The following ALK variants were observed in gnomAD, a reference collection of about 807,000 sequenced individuals.
ALK encodes ALK receptor tyrosine kinase.
A neutral mutation model predicts 163.1 loss-of-function variants in ALK; 74 were observed. The ratio of observed to expected loss-of-function variants is 0.45; its 90% confidence interval spans 0.38 to 0.55. The LOEUF (loss-of-function observed/expected upper bound fraction) is 0.55, where lower values mean the gene tolerates loss of function less well. ALK is among the 20% of genes least tolerant of loss of function. The pLI, the probability that ALK is intolerant of heterozygous loss-of-function variation, is 0.00. For missense variants in ALK, 2,063 were observed against 2,105.3 expected (o/e 0.98, Z 0.39); for synonymous variants, 960 against 843.2 (o/e 1.14, Z -2.40).
intron 1 of ALK, among the ~76,000 whole-genome samples, chr2:29,880,340 G>A (rs1316058603): frequency 6.6e-6 from 1 of 152,186 alleles, no homozygotes; most frequent in Admixed American, 6.5e-5. Context: ...GGCAGGAATG[G>A]GGTGATGGTC....
At chr2:29,882,651 G>A (rs369794986) in intron 1 of ALK, among the ~76,000 whole-genome samples, 15 of 152,244 alleles carry the variant, frequency 9.9e-5, no homozygotes, top group Non-Finnish European at 1.5e-4. Context: ...CCGAGATTGC[G>A]CCACTGCACT....
chr2:29,467,589 G>A (rs1671243624), intron 4 of ALK, among the ~76,000 whole-genome samples: 1 of 152,198 alleles, frequency 6.6e-6, no homozygotes, highest in Non-Finnish European at 1.5e-5. Context: ...CTTGGAATCT[G>A]CTCATTCTTT....
chr2:29,415,883 G>A (rs1489233096), intron 4 of ALK, among the ~76,000 whole-genome samples: 1 of 152,252 alleles, frequency 6.6e-6, no homozygotes, highest in African/African-American at 2.4e-5. Context: ...AGAGCTTTTG[G>A]TTTTCAGGCC....
At chr2:29,305,780 G>A (rs776062915) in intron 8 of ALK, among the ~76,000 whole-genome samples, 3 of 152,092 alleles carry the variant, frequency 2.0e-5, no homozygotes, top group Admixed American at 6.5e-5. Flanking sequence ...AGGGGCTGGG[G>A]GTTGGGGGGT....
chr2:29,712,689 G>T (rs929687036), intron 2 of ALK, among the ~76,000 whole-genome samples: 1 of 152,038 alleles, frequency 6.6e-6, no homozygotes, highest in African/African-American at 2.4e-5. Flanking sequence ...ACATTAACAG[G>T]ATGGGTGGTG....
In ALK at chr2:29,246,794, T is replaced by C. The variant is rs1389209065; in HGVS notation, c.2204+4311A>G. On this transcript the variant is annotated intron_variant, in intron 12 of 28. Coordinates refer to ENST00000389048, the MANE Select transcript of ALK (RefSeq NM_004304.5). This position sits in a 1 kb window ranked among gnomAD's most constrained non-coding sequence, Gnocchi z 4.3. The stretch of plus-strand genomic sequence containing the variant: ...TGGCTCAGTCCTTTTGACCATGGCC[T>C]GAGTGACAGTGACTCCCTTCCAACT... Among the ~76,000 whole-genome samples the C allele has an allele frequency of 1.3e-5, 2 of 152,188 alleles. No homozygotes were observed. The highest frequency in any genetic ancestry group is 4.8e-5 in the African/African-American group (2 of 41,460).
At chr2:29,452,332 G>GTTTTTTTTTTTT (rs66533654) in intron 4 of ALK, among the ~76,000 whole-genome samples, 3 of 146,104 alleles carry the variant, frequency 2.1e-5, no homozygotes, top group African/African-American at 5.0e-5. Context: ...AGTTTTTTTT[G>GTTTTTTTTTTTT]TTTTTTTTTT....
intron 1 of ALK, among the ~76,000 whole-genome samples, chr2:29,747,534 C>T (rs1680236985): frequency 6.6e-6 from 1 of 152,284 alleles, no homozygotes; most frequent in South Asian, 2.1e-4. Flanking sequence ...TCTCTGTCTC[C>T]CTTCCCACCC....
intron 1 of ALK, among the ~76,000 whole-genome samples, chr2:29,840,348 T>C (rs2148394163): frequency 6.6e-6 from 1 of 152,348 alleles, no homozygotes. Context: ...TGCAAGACTC[T>C]AGTTCTTTCC....
chr2:29,694,800 C>T, intron 3 of ALK, 50 bp downstream of exon 3: 2 of 1,609,318 alleles, frequency 1.2e-6, no homozygotes, highest in Non-Finnish European at 1.7e-6. Context: ...AATAGGTATT[C>T]CAGCCTGGCC....
At chr2:29,621,263 A>G (rs1283857520) in intron 3 of ALK, among the ~76,000 whole-genome samples, 3 of 152,220 alleles carry the variant, frequency 2.0e-5, no homozygotes, top group African/African-American at 7.2e-5. Flanking sequence ...ACACTGTCTT[A>G]GATGAATTGT....
At position 29,824,568 on chromosome 2, in the gene ALK, C is replaced by T. The variant is rs549968245; in HGVS notation, c.667+95425G>A. Among the ~76,000 whole-genome samples the T allele has an allele frequency of 6.7e-4, 102 of 152,338 alleles. 1 individual carries two copies. The highest frequency in any genetic ancestry group is 2.2e-3 in the African/African-American group (92 of 41,578). ...GCAGGTGTGACCTGGATGTGAGACA[C>T]GGAGTCAAGGGAGATCATTTTGGAG... On this transcript the variant is annotated intron_variant, in intron 1 of 28. Coordinates refer to ENST00000389048, the MANE Select transcript of ALK (RefSeq NM_004304.5).
chr2:29,832,183 A>G (rs1187966016), intron 1 of ALK, among the ~76,000 whole-genome samples: 1 of 152,234 alleles, frequency 6.6e-6, no homozygotes, highest in Non-Finnish European at 1.5e-5. Context: ...CAGGATGTCC[A>G]GACACCAATT....
intron 5 of ALK, among the ~76,000 whole-genome samples, 163 bp downstream of exon 5, chr2:29,383,569 G>A (rs534471744): frequency 7.2e-5 from 11 of 152,184 alleles, no homozygotes; most frequent in African/African-American, 1.7e-4. Flanking sequence ...CACCCGTCTC[G>A]GCCTCCCAAA....
Position 29,920,708 on chromosome 2 carries a change from TTCGCTC to T in ALK, c.-55_-50del, listed in dbSNP as rs774581162. 12 of 1,478,078 alleles carry T rather than the reference TTCGCTC, an allele frequency of 8.1e-6. No individual in the cohort carries two copies. In the African/African-American group the frequency reaches 1.7e-4, roughly 21 times the overall value. 91.6% of individuals were successfully genotyped at this position (1,478,078 alleles called of 1,614,324 possible). On this transcript the variant is annotated 5_prime_UTR_variant, in exon 1 of 29. Transcript: ENST00000389048. ...CTGCTCTCCGGGCCCAGCCTCACCC[TTCGCTC>T]TCCCCGAGATGGGAAGAGGCTCTGA...
intron 9 of ALK, among the ~76,000 whole-genome samples, chr2:29,292,241 CA>C (rs1267066318): frequency 6.6e-6 from 1 of 152,184 alleles, no homozygotes; most frequent in Admixed American, 6.5e-5. Flanking sequence ...TGTACAATTG[CA>C]GTGATTTGTG....
chr2:29,331,521 C>T (rs965862375), intron 5 of ALK, among the ~76,000 whole-genome samples: 5 of 152,170 alleles, frequency 3.3e-5, no homozygotes, highest in Non-Finnish European at 7.3e-5. Context: ...TGTAAAATGT[C>T]AAATTCATTT....
At chr2:29,366,689 T>C (rs1157737113) in intron 5 of ALK, among the ~76,000 whole-genome samples, 1 of 152,090 alleles carries the variant, frequency 6.6e-6, no homozygotes, top group Non-Finnish European at 1.5e-5. Context: ...ACTAGGATGA[T>C]ACAGAAGCCT....
chr2:29,193,729 G>A lies in ALK; in HGVS notation c.4358C>T (p.Ala1453Val), dbSNP rs2148138593. Reference sequence around the variant, plus strand: ...GATCTCTGCAGCTGTGGGTTTCTTTGCAGCCTTGCCAGAGGAGGTGGTAGG... The same window carrying A: ...GATCTCTGCAGCTGTGGGTTTCTTTACAGCCTTGCCAGAGGAGGTGGTAGG... ...PLPTTSSGKAAKKPTAAEISV... is the reference protein window; with the variant it reads ...PLPTTSSGKAVKKPTAAEISV... Residue 1453 changes from alanine (A) to valine (V), a missense_variant, in exon 29 of 29, where the codon GCA becomes GTA. Ala to Val is a moderately conservative substitution (Grantham distance 64). Coordinates refer to ENST00000389048, the MANE Select transcript of ALK (RefSeq NM_004304.5). 6.2e-7 allele frequency: 1 copy of A among 1,605,644 alleles called. No individual in the cohort carries two copies.
Sources: allele counts gnomAD v4.1 joint callset (sites outside exome capture counted in the v4.1 genomes callset), GRCh38; gene constraint gnomAD v4.1.1; non-coding constraint Gnocchi (gnomAD v3.1); transcripts MANE v1.5; gene names NCBI Gene and HGNC (gene_info 2026-07-23, HGNC 2026-07-21).